The following OPCML variants were observed in gnomAD, a reference collection of about 807,000 sequenced individuals.
OPCML encodes the protein opioid-binding protein/cell adhesion molecule.
A neutral mutation model predicts 37.8 loss-of-function variants in OPCML; 13 were observed. That is an observed-to-expected ratio of 0.34 (90% CI 0.22 to 0.55). The LOEUF is 0.55. OPCML is among the 20% of genes least tolerant of loss of function. The pLI is 0.91. For missense variants in OPCML, 341 were observed against 435.6 expected (o/e 0.78, Z 1.93); for synonymous variants, 176 against 168.8 (o/e 1.04, Z -0.33).
chr11:132,678,800 T>C (rs1039379237), intron 2 of OPCML, among the ~76,000 whole-genome samples: 1 of 152,192 alleles, frequency 6.6e-6, no homozygotes. Flanking sequence ...ACTAGCGTGG[T>C]GGCTCTATCT....
intron 1 of OPCML, among the ~76,000 whole-genome samples, chr11:133,469,278 A>T (rs7115068): frequency 0.29 from 43,510 of 152,128 alleles, 7,740 homozygotes; most frequent in African/African-American, 0.51. Flanking sequence ...TTTTTTACTG[A>T]ACCTTTTCTA....
intron 2 of OPCML, among the ~76,000 whole-genome samples, chr11:132,824,906 C>A (rs1940208505): frequency 6.6e-6 from 1 of 152,098 alleles, no homozygotes; most frequent in Admixed American, 6.5e-5. Context: ...ATGCTCCCTT[C>A]TCTGTGTCTG....
intron 1 of OPCML, chr11:133,008,548 T>C (rs1386377425): frequency 1.8e-6 from 1 of 562,994 alleles, no homozygotes; most frequent in Non-Finnish European, 2.3e-6. Flanking sequence ...TGAGCCTCTC[T>C]CTGGGAACTG....
intron 2 of OPCML, among the ~76,000 whole-genome samples, chr11:132,862,719 C>T (rs910242361): frequency 6.6e-6 from 1 of 152,136 alleles, no homozygotes; most frequent in African/African-American, 2.4e-5. Flanking sequence ...TTTAATGGGG[C>T]CTGTCTCCTG....
intron 1 of OPCML, among the ~76,000 whole-genome samples, chr11:132,989,480 T>C (rs952897069): frequency 2.0e-5 from 3 of 152,004 alleles, no homozygotes; most frequent in Admixed American, 2.0e-4. Context: ...TGCAATTATA[T>C]GAAAATGGAA....
At chr11:133,006,595 T>A (rs1416619208) in intron 1 of OPCML, 1 of 985,332 alleles carries the variant, frequency 1.0e-6, no homozygotes, top group African/African-American at 1.7e-5. Flanking sequence ...TGAAAGTCGC[T>A]GGCCGAACCA....
chr11:133,293,911 C>T (rs1436731050), intron 1 of OPCML, among the ~76,000 whole-genome samples: 1 of 150,900 alleles, frequency 6.6e-6, no homozygotes. Context: ...CACACACACA[C>T]ACACACACAC....
chr11:132,848,624 C>T (rs1456717904), intron 2 of OPCML, among the ~76,000 whole-genome samples: 3 of 152,206 alleles, frequency 2.0e-5, no homozygotes, highest in Non-Finnish European at 4.4e-5. Context: ...GGACCAAATT[C>T]GTATGCAGTT....
At position 132,717,532 on chromosome 11, in the gene OPCML, A is replaced by G. The variant is rs146085043; in HGVS notation, c.147-60213T>C. 2.8e-4 allele frequency among the ~76,000 whole-genome samples: 43 copies of G among 152,332 alleles called. No homozygotes were observed. The East Asian group carries it at 8.3e-3, about 29-fold the overall frequency. The stretch of plus-strand genomic sequence containing the variant: ...ACTGATCAGAAACACATCAAAATTT[A>G]ACAGTCGTCATCTCTGGGTGGTGGG... On this transcript the variant is annotated intron_variant, in intron 2 of 7. Coordinates refer to ENST00000524381, the MANE Select transcript of OPCML (RefSeq NM_001012393.5).
intron 2 of OPCML, among the ~76,000 whole-genome samples, chr11:132,857,244 T>C (rs1228966175): frequency 1.3e-5 from 2 of 152,246 alleles, no homozygotes; most frequent in African/African-American, 2.4e-5. Context: ...ATGTTGAATA[T>C]TCTTCATGTG....
chr11:132,867,378 T>C (rs1942612120), intron 2 of OPCML, among the ~76,000 whole-genome samples: 1 of 152,212 alleles, frequency 6.6e-6, no homozygotes, highest in Non-Finnish European at 1.5e-5. Flanking sequence ...GAAATCCGAC[T>C]GGTGACTGCA....
chr11:133,505,812 A>G (rs946140732), intron 1 of OPCML, among the ~76,000 whole-genome samples: 10 of 152,252 alleles, frequency 6.6e-5, no homozygotes, highest in Non-Finnish European at 1.2e-4. Context: ...TGAAGGCCAC[A>G]TGAAGCCTTC....
At chr11:132,850,922 G>C (rs1354525852) in intron 2 of OPCML, among the ~76,000 whole-genome samples, 2 of 152,120 alleles carry the variant, frequency 1.3e-5, no homozygotes, top group East Asian at 3.9e-4. Context: ...GCCAAATATA[G>C]GCAAAGAAGA....
At chr11:133,122,402 T>A (rs1949436070) in intron 1 of OPCML, among the ~76,000 whole-genome samples, 1 of 152,170 alleles carries the variant, frequency 6.6e-6, no homozygotes, top group Non-Finnish European at 1.5e-5. Context: ...GTCATCCTGC[T>A]GGCTAGTAAC....
Position 132,943,458 on chromosome 11 carries a change from A to T in OPCML, c.62-448T>A. 3.1e-6 allele frequency: 1 copy of T among 320,456 alleles called. No homozygotes were observed. Among genetic ancestry groups the T allele is most frequent in the Non-Finnish European group, 6.0e-6 (1 of 167,836 alleles). 19.9% of individuals were successfully genotyped at this position (320,456 alleles called of 1,614,324 possible). On this transcript the variant is annotated intron_variant, in intron 1 of 7. Transcript: ENST00000524381. This position sits in a 1 kb window ranked among gnomAD's most constrained non-coding sequence, Gnocchi z 4.3. ...TCTTCGAGACGCTACTTTAAGATTC[A>T]GTTGGGCACGTTCTGCAGAGCTCTG...
At chr11:132,420,672 CG>C (rs1565547343) in intron 7 of OPCML, among the ~76,000 whole-genome samples, 2 of 152,058 alleles carry the variant, frequency 1.3e-5, no homozygotes, top group Admixed American at 6.5e-5. Flanking sequence ...AATGATGAGT[CG>C]GGGGGCACAA....
At chr11:133,131,214 G>A (rs1462981917) in intron 1 of OPCML, among the ~76,000 whole-genome samples, 4 of 152,080 alleles carry the variant, frequency 2.6e-5, no homozygotes, top group Non-Finnish European at 5.9e-5. Flanking sequence ...CTCCAGAACT[G>A]TAGGAAATAA....
intron 3 of OPCML, among the ~76,000 whole-genome samples, chr11:132,563,602 T>C (rs7933824): frequency 0.44 from 67,018 of 151,666 alleles, 15,212 homozygotes; most frequent in African/African-American, 0.49. Flanking sequence ...GTTAATTCTA[T>C]GTTATACAAA....
intron 1 of OPCML, chr11:133,300,061 C>T (rs1479760896): frequency 6.6e-6 from 1 of 152,134 alleles, no homozygotes; most frequent in African/African-American, 2.4e-5. Flanking sequence ...TGCAGAAGAG[C>T]TGCAAAGCAA....
Sources: gnomAD v4.1 joint callset for allele counts (sites outside exome capture counted in the v4.1 genomes callset) on GRCh38, gnomAD v4.1.1 for gene constraint, Gnocchi (gnomAD v3.1) non-coding constraint, MANE v1.5 for transcripts, NCBI Gene and HGNC (gene_info 2026-07-23, HGNC 2026-07-21) for gene names.